The following PPP1R21 variants were observed in gnomAD, a reference collection of about 807,000 sequenced individuals.
The protein encoded by PPP1R21 is KLRAQ motif containing 1.
PPP1R21 carries 85 observed loss-of-function variants against 112.8 expected under a neutral mutation model. That is an observed-to-expected ratio of 0.75 (90% CI 0.63 to 0.90). The LOEUF (loss-of-function observed/expected upper bound fraction) is 0.90, where lower values mean the gene tolerates loss of function less well. PPP1R21 is among the 40% of genes least tolerant of loss of function. The probability of loss-of-function intolerance (pLI) is 0.00; values close to 1 mark genes in which losing one functional copy is unlikely to be tolerated. For missense variants in PPP1R21, 1,199 were observed against 901.5 expected (o/e 1.33, Z -4.23); for synonymous variants, 381 against 322.3 (o/e 1.18, Z -1.95).
intron 1 of PPP1R21, among the ~76,000 whole-genome samples, chr2:48,444,047 AAAAC>A (rs1667147634): frequency 1.3e-5 from 2 of 151,970 alleles, no homozygotes; most frequent in Non-Finnish European, 2.9e-5. Flanking sequence ...GAAGAAAAAA[AAAAC>A]CAAACAAACA....
rs1339429898 is a variant in PPP1R21 at position 48,495,675 on chromosome 2, A to G, written c.1600-4A>G. 6.4e-7 allele frequency: 1 copy of G among 1,565,436 alleles called. No homozygotes were observed. Among genetic ancestry groups the G allele is most frequent in the East Asian group, 2.2e-5 (1 of 44,616 alleles). On this transcript the variant is annotated splice_polypyrimidine_tract_variant and splice_region_variant and intron_variant, in intron 15 of 21. Coordinates refer to ENST00000294952, the MANE Select transcript of PPP1R21 (RefSeq NM_001135629.3). Reference sequence around the variant, plus strand: ...CTTTAATTCTTATGATGCTTTTATCATAGCCCCTCTTGGAGTCTGTGCCTT... The same window carrying G: ...CTTTAATTCTTATGATGCTTTTATCGTAGCCCCTCTTGGAGTCTGTGCCTT...
At chr2:48,454,564 T>G in intron 2 of PPP1R21, 31 bp from the exon 3 acceptor site, 1 of 1,613,516 alleles carries the variant, frequency 6.2e-7, no homozygotes, top group Non-Finnish European at 8.5e-7. Flanking sequence ...AGCTAAACTG[T>G]GAGGACCAAT....
At chr2:48,493,720 G>A (rs1572882997) in intron 15 of PPP1R21, among the ~76,000 whole-genome samples, 1 of 151,910 alleles carries the variant, frequency 6.6e-6, no homozygotes, top group Non-Finnish European at 1.5e-5. Context: ...TCCTTGTACC[G>A]TTTATTTAGT....
At position 48,441,510 on chromosome 2, in the gene PPP1R21, G is replaced by C. The variant is rs147390417; in HGVS notation, c.57+500G>C. The C allele has an allele frequency of 2.5e-3, 484 of 194,630 alleles. 2 individuals are homozygous for C. Among genetic ancestry groups the C allele is most frequent in the Non-Finnish European group, 4.3e-3 (368 of 86,448 alleles). The allele number at this position is 194,630 out of a possible 1,614,324, so 12.1% of individuals were successfully genotyped here. A position where few individuals can be genotyped will look rare whatever the true frequency, so the allele number is the denominator to read the frequency against. ...TCGGGTAAACTGCTTCACTAGGGAT[G>C]GGTGGTTATGAATGTATTCACTGCT... On this transcript the variant is annotated intron_variant, in intron 1 of 21. Coordinates refer to ENST00000294952, the MANE Select transcript of PPP1R21 (RefSeq NM_001135629.3).
intron 1 of PPP1R21, among the ~76,000 whole-genome samples, chr2:48,445,072 T>A (rs1038119790): frequency 4.6e-5 from 7 of 152,016 alleles, no homozygotes; most frequent in African/African-American, 1.7e-4. Context: ...AGTACCTGAT[T>A]TATCACCTAC....
At chr2:48,470,765 T>C (rs1258986815) in intron 9 of PPP1R21, among the ~76,000 whole-genome samples, 1 of 152,202 alleles carries the variant, frequency 6.6e-6, no homozygotes, top group Non-Finnish European at 1.5e-5. Flanking sequence ...CTGTTGGTCC[T>C]AGGTTCTAAT....
intron 3 of PPP1R21, among the ~76,000 whole-genome samples, chr2:48,455,918 G>A (rs1667701177): frequency 6.6e-6 from 1 of 151,552 alleles, no homozygotes; most frequent in Non-Finnish European, 1.5e-5. Context: ...GGGGAGCTGA[G>A]GCAGGAGAAT....
intron 13 of PPP1R21, among the ~76,000 whole-genome samples, chr2:48,485,279 A>G (rs1669233315): frequency 1.3e-5 from 2 of 151,884 alleles, no homozygotes; most frequent in South Asian, 4.2e-4. Flanking sequence ...AAACCTGCAC[A>G]TAAACTCCCT....
Position 48,496,313 on chromosome 2 carries a change from G to T in PPP1R21, c.1692+542G>T, listed in dbSNP as rs1049797576. Among the ~76,000 whole-genome samples, 6 of 152,166 alleles carry T rather than the reference G, an allele frequency of 3.9e-5. No homozygotes were observed. The East Asian group carries it at 9.6e-4, about 24-fold the overall frequency. On this transcript the variant is annotated intron_variant, in intron 16 of 21. Coordinates refer to ENST00000294952, the MANE Select transcript of PPP1R21 (RefSeq NM_001135629.3). ...GAATCTCTCTCTCTGATCTTCTCTT[G>T]CCCTCTTTTAACTTGCCTAGGGCAG...
Position 48,471,270 on chromosome 2 carries a change from C to G in PPP1R21, c.1000-9C>G. ...CACTTTTAACCTTGAAATTATTTTT[C>G]TTTTCCAGGAGACAACTGTGAAATT... On this transcript the variant is annotated splice_polypyrimidine_tract_variant and intron_variant, in intron 10 of 21. Coordinates refer to ENST00000294952, the MANE Select transcript of PPP1R21 (RefSeq NM_001135629.3). The G allele has an allele frequency of 6.2e-7, 1 of 1,608,970 alleles. No homozygotes were observed. Among genetic ancestry groups the G allele is most frequent in the South Asian group, 1.1e-5 (1 of 90,160 alleles).
chr2:48,466,540 TA>T (rs2103825282), intron 9 of PPP1R21, among the ~76,000 whole-genome samples: 1 of 152,160 alleles, frequency 6.6e-6, no homozygotes, highest in East Asian at 1.9e-4. Flanking sequence ...GGGGAGTTTT[TA>T]AAAGACCTCA....
intron 21 of PPP1R21, among the ~76,000 whole-genome samples, chr2:48,511,967 T>C (rs1355786980): frequency 6.6e-6 from 1 of 152,226 alleles, no homozygotes; most frequent in Admixed American, 6.5e-5. Context: ...AATTAAAAGC[T>C]GAGAAAGTCT....
chr2:48,471,347 T>G lies in PPP1R21; in HGVS notation c.1068T>G (p.Ile356Met). The change falls in exon 11 of 22, where the codon ATT becomes ATG. Residue 356 changes from isoleucine to methionine, a missense_variant. Ile to Met is a conservative substitution (Grantham distance 10). Coordinates refer to ENST00000294952, the MANE Select transcript of PPP1R21 (RefSeq NM_001135629.3). ...CCTACATATGTTTTCTTAGGAAGAT[T>G]CTTCCCTATCAGTTAAAAAGGTAGT... The part of the protein sequence containing the change: ...LTSYICFLRK[I>M]LPYQLKSLEE... The G allele has an allele frequency of 6.2e-7, 1 of 1,609,420 alleles. No individual in the cohort carries two copies. Among genetic ancestry groups the G allele is most frequent in the Non-Finnish European group, 8.5e-7 (1 of 1,178,636 alleles).
intron 14 of PPP1R21, among the ~76,000 whole-genome samples, chr2:48,489,509 A>G (rs1669459916): frequency 6.6e-6 from 1 of 151,316 alleles, no homozygotes; most frequent in Non-Finnish European, 1.5e-5. Flanking sequence ...TGCCTGGCTA[A>G]TTTTTCAATT....
At chr2:48,480,301 C>T (rs565234186) in intron 13 of PPP1R21, among the ~76,000 whole-genome samples, 1 of 152,278 alleles carries the variant, frequency 6.6e-6, no homozygotes, top group African/African-American at 2.4e-5. Flanking sequence ...GTGAATTGTA[C>T]AAAACCAGAC....
intron 9 of PPP1R21, among the ~76,000 whole-genome samples, chr2:48,469,006 C>T (rs1374487020): frequency 1.3e-5 from 2 of 151,744 alleles, no homozygotes; most frequent in South Asian, 2.1e-4. Flanking sequence ...AGAATCATCG[C>T]GGGAGGCAAA....
chr2:48,461,060 C>A (rs1667954136), intron 6 of PPP1R21, 78 bp from the exon 7 acceptor site: 1 of 1,507,960 alleles, frequency 6.6e-7, no homozygotes, highest in Admixed American at 2.7e-5. Flanking sequence ...CTACTACCAG[C>A]TGTTGAGGTA....
intron 13 of PPP1R21, among the ~76,000 whole-genome samples, chr2:48,483,078 C>T (rs917212405): frequency 7.3e-5 from 11 of 151,724 alleles, no homozygotes; most frequent in African/African-American, 2.7e-4. Context: ...AAGATAATGG[C>T]TTCTGGCTCC....
intron 3 of PPP1R21, among the ~76,000 whole-genome samples, chr2:48,457,294 A>G (rs947974580): frequency 1.3e-5 from 2 of 152,166 alleles, no homozygotes; most frequent in Admixed American, 6.5e-5. Flanking sequence ...AACATGATGG[A>G]TATTTAATTT....
Sources: allele counts gnomAD v4.1 joint callset (sites outside exome capture counted in the v4.1 genomes callset), GRCh38; gene constraint gnomAD v4.1.1; transcripts MANE v1.5; gene names NCBI Gene and HGNC (gene_info 2026-07-23, HGNC 2026-07-21).